The following RABGAP1L variants were observed in gnomAD, a reference collection of about 807,000 sequenced individuals.
The protein encoded by RABGAP1L is rab GTPase-activating protein 1-like.
Under a neutral mutation model 137.7 loss-of-function variants are expected in RABGAP1L, and 63 were observed. That is an observed-to-expected ratio of 0.46 (90% CI 0.37 to 0.56). The LOEUF (loss-of-function observed/expected upper bound fraction) is 0.56. Among genes scored for constraint, RABGAP1L ranks in the 20% least tolerant of loss-of-function variants. The probability of loss-of-function intolerance (pLI) is 0.00; values close to 1 mark genes in which losing one functional copy is unlikely to be tolerated. For synonymous variants in RABGAP1L, 431 were observed against 433.7 expected, an observed-to-expected ratio of 0.99 and a Z score of 0.08; for missense variants, 1,095 against 1,244.0, an observed-to-expected ratio of 0.88 and a Z score of 1.80.
intron 13 of RABGAP1L, among the ~76,000 whole-genome samples, chr1:174,451,082 A>G (rs1655387338): frequency 6.6e-6 from 1 of 152,200 alleles, no homozygotes; most frequent in Non-Finnish European, 1.5e-5. Flanking sequence ...ACAAGAGTTT[A>G]CTTTTTTGGG....
chr1:174,514,476 A>C (rs1268004906), intron 13 of RABGAP1L, among the ~76,000 whole-genome samples: 1 of 152,136 alleles, frequency 6.6e-6, no homozygotes, highest in Non-Finnish European at 1.5e-5. Context: ...AATCTGCTGT[A>C]AGTTATAACT....
At chr1:174,675,354 C>G (rs1262327845) in intron 14 of RABGAP1L, among the ~76,000 whole-genome samples, 1 of 151,980 alleles carries the variant, frequency 6.6e-6, no homozygotes, top group Non-Finnish European at 1.5e-5. Flanking sequence ...GAATCCTTTC[C>G]CCATTGCTTG....
At chr1:174,492,461 T>G (rs1022329257) in intron 13 of RABGAP1L, among the ~76,000 whole-genome samples, 20 of 151,462 alleles carry the variant, frequency 1.3e-4, no homozygotes, top group African/African-American at 4.1e-4. Context: ...CGATTCTCCA[T>G]CTAAGCCTCC....
Position 174,661,758 on chromosome 1 carries a change from C to A in RABGAP1L, c.1825-21764C>A, listed in dbSNP as rs573457246. On this transcript the variant is annotated intron_variant, in intron 14 of 25. Transcript: ENST00000681986. ...TTCAGTCAACAATGGACTGCATTTA[C>A]AATGGTGGTCCCATAAGATTATAAT... Among the ~76,000 whole-genome samples the A allele has an allele frequency of 1.6e-3, 236 of 152,212 alleles. 1 individual carries two copies. The highest frequency in any genetic ancestry group is 5.5e-3 in the African/African-American group (229 of 41,538).
chr1:174,422,476 C>A (rs538122607), intron 13 of RABGAP1L, among the ~76,000 whole-genome samples: 1 of 152,078 alleles, frequency 6.6e-6, no homozygotes, highest in Non-Finnish European at 1.5e-5. Flanking sequence ...CACAGACATT[C>A]ATAGTTTATA....
chr1:174,569,142 C>G (rs966674169), intron 13 of RABGAP1L, among the ~76,000 whole-genome samples: 3 of 152,270 alleles, frequency 2.0e-5, no homozygotes, highest in East Asian at 1.9e-4. Flanking sequence ...CACCTTTTCC[C>G]CATACTAACA....
chr1:174,647,646 G>A (rs1027048285), intron 14 of RABGAP1L, among the ~76,000 whole-genome samples: 8 of 151,930 alleles, frequency 5.3e-5, no homozygotes, highest in African/African-American at 1.9e-4. Context: ...GATGTTCATC[G>A]GGGGTATTGG....
At chr1:174,884,571 A>G (rs1408577036) in intron 19 of RABGAP1L, among the ~76,000 whole-genome samples, 1 of 152,206 alleles carries the variant, frequency 6.6e-6, no homozygotes, top group African/African-American at 2.4e-5. Flanking sequence ...CAAGCATCCA[A>G]CCAATCATTT....
chr1:174,392,439 G>A (rs541380911), intron 12 of RABGAP1L, among the ~76,000 whole-genome samples: 1 of 152,184 alleles, frequency 6.6e-6, no homozygotes. Flanking sequence ...ATGGTAGCAC[G>A]TTAAGTCATA....
chr1:174,651,521 G>A (rs1481812057), intron 14 of RABGAP1L, among the ~76,000 whole-genome samples: 2 of 152,176 alleles, frequency 1.3e-5, no homozygotes, highest in Non-Finnish European at 2.9e-5. Context: ...GGGTGCTCCT[G>A]TATTGGGTGC....
chr1:174,715,387 C>T (rs1680916354), intron 17 of RABGAP1L, among the ~76,000 whole-genome samples: 1 of 152,180 alleles, frequency 6.6e-6, no homozygotes. Flanking sequence ...GTAGTTATTT[C>T]CCTTTACCAC....
At chr1:174,700,321 G>A (rs566988060) in intron 16 of RABGAP1L, 1 of 152,210 alleles carries the variant, frequency 6.6e-6, no homozygotes, top group South Asian at 2.1e-4. Context: ...ATTTATAATG[G>A]GTTTTTGTGG....
At chr1:174,494,077 C>T (rs1401046011) in intron 13 of RABGAP1L, among the ~76,000 whole-genome samples, 1 of 152,100 alleles carries the variant, frequency 6.6e-6, no homozygotes, top group Non-Finnish European at 1.5e-5. Context: ...ATATTTAGAA[C>T]ATCGTGTATA....
intron 13 of RABGAP1L, among the ~76,000 whole-genome samples, chr1:174,586,226 G>A (rs377666295): frequency 6.6e-5 from 10 of 152,202 alleles, no homozygotes; most frequent in African/African-American, 2.4e-4. Flanking sequence ...CCTTTGCAGG[G>A]ACATGGATGA....
intron 13 of RABGAP1L, among the ~76,000 whole-genome samples, chr1:174,622,510 A>G (rs559569832): frequency 6.6e-6 from 1 of 152,240 alleles, no homozygotes; most frequent in East Asian, 1.9e-4. Context: ...TACACCATGG[A>G]ATACTATGCA....
chr1:174,614,243 G>T (rs1343494049), intron 13 of RABGAP1L, among the ~76,000 whole-genome samples: 4 of 152,086 alleles, frequency 2.6e-5, no homozygotes, highest in Admixed American at 6.5e-5. Flanking sequence ...GCTCTTTTAG[G>T]GCAGGCCTGG....
intron 18 of RABGAP1L, among the ~76,000 whole-genome samples, chr1:174,756,204 G>C (rs535253192): frequency 1.3e-5 from 2 of 152,044 alleles, no homozygotes; most frequent in African/African-American, 4.8e-5. Context: ...GCTGCAGAGC[G>C]GTGGCACAAT....
chr1:174,457,646 G>A (rs1656194031), intron 13 of RABGAP1L, among the ~76,000 whole-genome samples: 1 of 151,928 alleles, frequency 6.6e-6, no homozygotes, highest in Non-Finnish European at 1.5e-5. Flanking sequence ...GGGACTACAG[G>A]TGTGTGCCAC....
At chr1:174,695,658 G>A (rs1385855218) in intron 15 of RABGAP1L, among the ~76,000 whole-genome samples, 1 of 152,120 alleles carries the variant, frequency 6.6e-6, no homozygotes, top group Non-Finnish European at 1.5e-5. Flanking sequence ...TATTCTTGAT[G>A]CTTGTGGATG....
Sources: gnomAD v4.1 joint callset for allele counts (sites outside exome capture counted in the v4.1 genomes callset) on GRCh38, gnomAD v4.1.1 for gene constraint, MANE v1.5 for transcripts, NCBI Gene and HGNC (gene_info 2026-07-23, HGNC 2026-07-21) for gene names.